TCF12: variants seen among roughly 807,000 people sequenced by gnomAD.
TCF12 encodes transcription factor 12, also known as DNA-binding protein HTF4.
A neutral mutation model predicts 86.0 loss-of-function variants in TCF12; 45 were observed. The observed-to-expected ratio is 0.52, with a 90% CI of 0.41 to 0.67. TCF12 has a LOEUF of 0.67. TCF12 is among the 30% of genes least tolerant of loss of function. TCF12 has a pLI of 0.00. For missense variants in TCF12, 881 were observed against 859.9 expected (o/e 1.02, Z -0.31); for synonymous variants, 330 against 299.6 (o/e 1.10, Z -1.05).
At chr15:56,940,329 G>A (rs550787786) in intron 3 of TCF12, among the ~76,000 whole-genome samples, 7 of 152,058 alleles carry the variant, frequency 4.6e-5, no homozygotes, top group African/African-American at 1.2e-4. Flanking sequence ...ACTCTAAATC[G>A]TCTTTGGTTT....
chr15:57,032,576 A>G (rs1401561073), intron 3 of TCF12, among the ~76,000 whole-genome samples: 1 of 152,036 alleles, frequency 6.6e-6, no homozygotes, highest in African/African-American at 2.4e-5. Flanking sequence ...CTACAGGCAT[A>G]TGGGACTACA....
intron 3 of TCF12, among the ~76,000 whole-genome samples, chr15:57,059,138 T>C (rs1281687914): frequency 1.3e-5 from 2 of 152,184 alleles, no homozygotes; most frequent in Non-Finnish European, 2.9e-5. Context: ...AGTGCTGAGA[T>C]TTGATATTTT....
At chr15:57,248,924 T>G (rs560208769) in intron 13 of TCF12, among the ~76,000 whole-genome samples, 4 of 152,216 alleles carry the variant, frequency 2.6e-5, no homozygotes, top group Non-Finnish European at 5.9e-5. Context: ...AGCAGATGCA[T>G]GCTGACAATT....
At chr15:57,076,051 C>T (rs2070002671) in intron 4 of TCF12, among the ~76,000 whole-genome samples, 1 of 151,274 alleles carries the variant, frequency 6.6e-6, no homozygotes, top group Non-Finnish European at 1.5e-5. Context: ...GACAGGGTCT[C>T]ACTTAGGTTG....
intron 3 of TCF12, among the ~76,000 whole-genome samples, chr15:56,921,327 A>G (rs1459363329): frequency 2.6e-5 from 4 of 152,060 alleles, no homozygotes; most frequent in African/African-American, 9.7e-5. Context: ...TTAGTGGGGT[A>G]AATTTTCAAA....
chr15:57,174,370 T>A (rs1489751633), intron 6 of TCF12, among the ~76,000 whole-genome samples: 1 of 152,238 alleles, frequency 6.6e-6, no homozygotes, highest in Non-Finnish European at 1.5e-5. Flanking sequence ...TGAATACTCA[T>A]GATAAAATCT....
At chr15:56,945,536 C>CT (rs572593646) in intron 3 of TCF12, among the ~76,000 whole-genome samples, 7 of 150,578 alleles carry the variant, frequency 4.6e-5, no homozygotes, top group Non-Finnish European at 5.9e-5. Flanking sequence ...CTAGATTGAC[C>CT]TTTTTTTTTC....
At chr15:57,223,646 T>TTTTTTTTTTTTTTG (rs2058715101) in intron 8 of TCF12, among the ~76,000 whole-genome samples, 1 of 57,608 alleles carries the variant, frequency 1.7e-5, no homozygotes, top group Non-Finnish European at 2.7e-5. Context: ...CAATGAGGTT[T>TTTTTTTTTTTTTTG]TTTTTTTTTT....
intron 12 of TCF12, among the ~76,000 whole-genome samples, chr15:57,241,848 C>T (rs2059644091): frequency 6.6e-6 from 1 of 152,104 alleles, no homozygotes; most frequent in Non-Finnish European, 1.5e-5. Flanking sequence ...CAAAAATTAG[C>T]CAGGCTTGGT....
At chr15:57,007,223 C>T (rs1468083837) in intron 3 of TCF12, among the ~76,000 whole-genome samples, 1 of 152,090 alleles carries the variant, frequency 6.6e-6, no homozygotes, top group Non-Finnish European at 1.5e-5. Flanking sequence ...AACAGTAAAC[C>T]ATGTAGATGA....
chr15:57,220,001 C>T (rs2058514615), intron 8 of TCF12, among the ~76,000 whole-genome samples: 1 of 152,152 alleles, frequency 6.6e-6, no homozygotes, highest in Admixed American at 6.5e-5. Context: ...GCTGGAATTA[C>T]AGGCATGAGC....
At chr15:57,196,425 AT>A (rs1791903543) in intron 7 of TCF12, among the ~76,000 whole-genome samples, 1 of 152,212 alleles carries the variant, frequency 6.6e-6, no homozygotes, top group Non-Finnish European at 1.5e-5. Flanking sequence ...CGTGGAACCA[AT>A]CCCACTGATA....
rs180768505 is a variant in TCF12 at position 57,166,415 on chromosome 15, G to A, written c.339G>A (p.Glu113=). The A allele has an allele frequency of 3.7e-6, 6 of 1,612,030 alleles. No individual in the cohort carries two copies. In the African/African-American group the frequency reaches 4.0e-5, roughly 11 times the overall value. ...MNSNLMGKTS[E]RGSFSLYSRD... ...TTTGTTTTATAGGAAAAACATCAGA[G>A]AGAGGCTCATTTTCCCTGTACAGCA... Residue 113 remains glutamate, a synonymous_variant, in exon 6 of 21, where the codon GAG becomes GAA. Coordinates refer to ENST00000333725, the MANE Select transcript of TCF12 (RefSeq NM_207037.2).
intron 5 of TCF12, among the ~76,000 whole-genome samples, chr15:57,101,185 G>T (rs965251987): frequency 1.3e-5 from 2 of 151,438 alleles, no homozygotes; most frequent in Admixed American, 6.6e-5. Context: ...GCTTTTTTTG[G>T]TGGTGGTGGT....
intron 12 of TCF12, among the ~76,000 whole-genome samples, chr15:57,240,538 A>C (rs901144304): frequency 1.3e-5 from 2 of 152,208 alleles, no homozygotes; most frequent in Non-Finnish European, 1.5e-5. Context: ...CATAAATGGT[A>C]TAATTATTTG....
At chr15:57,143,803 G>A (rs1222242158) in intron 5 of TCF12, among the ~76,000 whole-genome samples, 5 of 152,182 alleles carry the variant, frequency 3.3e-5, no homozygotes, top group Non-Finnish European at 5.9e-5. Context: ...CTTATGGTAA[G>A]CAAATGACTT....
chr15:56,926,107 T>G (rs898814516), intron 3 of TCF12, among the ~76,000 whole-genome samples: 7 of 151,364 alleles, frequency 4.6e-5, no homozygotes, highest in Admixed American at 2.6e-4. Context: ...AGGCCAGGAG[T>G]TGGAGACCAG....
At chr15:56,987,884 G>T (rs888828338) in intron 3 of TCF12, among the ~76,000 whole-genome samples, 2 of 152,154 alleles carry the variant, frequency 1.3e-5, no homozygotes, top group African/African-American at 4.8e-5. Flanking sequence ...ATATAGGAAA[G>T]ACTCATTTTT....
intron 3 of TCF12, among the ~76,000 whole-genome samples, chr15:57,051,665 C>T (rs570752896): frequency 1.2e-4 from 18 of 152,304 alleles, no homozygotes; most frequent in Middle Eastern, 3.4e-3. Context: ...TGGCTTTCTG[C>T]TTGTCCAGCC....
Sources: allele counts gnomAD v4.1 joint callset (sites outside exome capture counted in the v4.1 genomes callset), GRCh38; gene constraint gnomAD v4.1.1; transcripts MANE v1.5; gene names NCBI Gene and HGNC (gene_info 2026-07-23, HGNC 2026-07-21).